Variants in BCL2L13 observed in about 807,000 individuals in gnomAD.
BCL2L13 encodes BCL2 like 13.
BCL2L13 carries 13 observed loss-of-function variants against 25.8 expected under a neutral mutation model. The ratio of observed to expected loss-of-function variants is 0.50; its 90% confidence interval spans 0.33 to 0.80. The LOEUF is 0.80. BCL2L13 is among the 30% of genes least tolerant of loss of function. The pLI, the probability that BCL2L13 is intolerant of heterozygous loss-of-function variation, is 0.02. For synonymous variants in BCL2L13, 244 were observed against 230.3 expected (o/e 1.06, Z -0.54); for missense variants, 504 against 574.9 (o/e 0.88, Z 1.26).
chr22:17,670,699 A>C (rs973755046), intron 2 of BCL2L13, among the ~76,000 whole-genome samples: 5 of 152,154 alleles, frequency 3.3e-5, no homozygotes, highest in African/African-American at 9.7e-5. Flanking sequence ...TGTATAACCC[A>C]ATTTGAAATT....
At chr22:17,630,590 TC>T (rs200354707) in intron 1 of BCL2L13, among the ~76,000 whole-genome samples, 2,841 of 143,280 alleles carry the variant, frequency 0.02, 142 homozygotes, top group African/African-American at 0.07. Flanking sequence ...CTTTTTCTTT[TC>T]TTTTTTTTTT....
intron 5 of BCL2L13, among the ~76,000 whole-genome samples, chr22:17,701,406 A>G (rs537400914): frequency 6.6e-6 from 1 of 152,170 alleles, no homozygotes; most frequent in East Asian, 1.9e-4. Context: ...TTTCTTGCGT[A>G]TTTTTCTGGA....
At chr22:17,693,918 T>G (rs1601690469) in intron 4 of BCL2L13, among the ~76,000 whole-genome samples, 1 of 151,656 alleles carries the variant, frequency 6.6e-6, no homozygotes, top group Non-Finnish European at 1.5e-5. Flanking sequence ...TTGTATTTTT[T>G]TTTCTAATTT....
chr22:17,691,514 T>C (rs570948017), intron 4 of BCL2L13, among the ~76,000 whole-genome samples: 29 of 152,112 alleles, frequency 1.9e-4, no homozygotes, highest in South Asian at 4.2e-4. Context: ...AGCATGGTGG[T>C]GGGTGCCTGT....
upstream of BCL2L13, among the ~76,000 whole-genome samples, chr22:17,635,956 C>G (rs1028885370): frequency 7.3e-5 from 11 of 150,470 alleles, no homozygotes; most frequent in South Asian, 8.3e-4. Flanking sequence ...TGATCCGTCC[C>G]CCTTGGCCTC....
At chr22:17,666,596 T>C (rs1241141146) in intron 2 of BCL2L13, among the ~76,000 whole-genome samples, 1 of 152,090 alleles carries the variant, frequency 6.6e-6, no homozygotes, top group African/African-American at 2.4e-5. Flanking sequence ...ATGCAATGTT[T>C]GTCTTTCTGT....
intron 6 of BCL2L13, 126 bp from the exon 7 acceptor site, chr22:17,726,551 T>C (rs751808472): frequency 2.4e-5 from 27 of 1,104,850 alleles, no homozygotes; most frequent in Middle Eastern, 2.7e-4. Context: ...ATTCGGAAAC[T>C]ATGTAGGTTT....
intron 2 of BCL2L13, among the ~76,000 whole-genome samples, chr22:17,681,362 C>T (rs932390203): frequency 1.3e-5 from 2 of 151,646 alleles, no homozygotes; most frequent in African/African-American, 4.8e-5. Context: ...AAAAATTAGG[C>T]GGGTGTGGTG....
At position 17,728,940 on chromosome 22, in the gene BCL2L13, G is replaced by A. The variant is rs1340140641; in HGVS notation, c.*1406G>A. On this transcript the variant is annotated 3_prime_UTR_variant, in exon 7 of 7. Transcript: ENST00000317582. ...CCGTGTCTTTCCAGCCCTAAAGGAA[G>A]GGTAGACCCGTGTCTTTCCAGCCCT... 6.6e-6 allele frequency: 1 copy of A among 152,048 alleles called. No individual in the cohort carries two copies. The allele number at this position is 152,048 out of a possible 1,614,324, so 9.4% of individuals were successfully genotyped here.
At chr22:17,652,728 G>A (rs532266868) in intron 1 of BCL2L13, among the ~76,000 whole-genome samples, 2 of 152,078 alleles carry the variant, frequency 1.3e-5, no homozygotes, top group Non-Finnish European at 2.9e-5. Context: ...ATGAGCCATC[G>A]TGCCCGGCCA....
intron 1 of BCL2L13, among the ~76,000 whole-genome samples, chr22:17,644,532 A>G: frequency 6.6e-6 from 1 of 151,008 alleles, no homozygotes; most frequent in African/African-American, 2.5e-5. Context: ...GGGTTTCACC[A>G]CGTTGGCCAG....
Position 17,630,229 on chromosome 22 carries a change from A to AC in BCL2L13, c.-650+1224_-650+1225insC, listed in dbSNP as rs545994873. Among the ~76,000 whole-genome samples, 304 of 151,858 alleles carry AC rather than the reference A, an allele frequency of 2.0e-3. 1 individual carries two copies. The highest frequency in any genetic ancestry group is 3.7e-3 in the Non-Finnish European group (254 of 67,928). On this transcript the variant is annotated intron_variant, in intron 1 of 6. Coordinates refer to the BCL2L13 transcript ENST00000399782. ...TGAGACTCCGTCTCAAAAAAACAAAAAAAAAAAAAACAAATTCCTTTGTCC... is the reference window on the plus strand; with the variant it reads ...TGAGACTCCGTCTCAAAAAAACAAAACAAAAAAAAAACAAATTCCTTTGTCC...
At chr22:17,685,411 A>G (rs1010649794) in intron 3 of BCL2L13, among the ~76,000 whole-genome samples, 1 of 151,276 alleles carries the variant, frequency 6.6e-6, no homozygotes, top group South Asian at 2.1e-4. Context: ...TTTAGTAGAG[A>G]CGGGGTTTCA....
chr22:17,696,033 TTG>T, intron 4 of BCL2L13, 106 bp from the exon 5 acceptor site: 2 of 757,536 alleles, frequency 2.6e-6, no homozygotes, highest in Non-Finnish European at 4.6e-6. Context: ...TGAATAATCT[TTG>T]TCAGTTTAGC....
At chr22:17,691,958 G>T (rs2060120058) in intron 4 of BCL2L13, among the ~76,000 whole-genome samples, 1 of 152,116 alleles carries the variant, frequency 6.6e-6, no homozygotes, top group Non-Finnish European at 1.5e-5. Context: ...TCAAAGTCAG[G>T]TCTCTTTCTT....
chr22:17,720,654 C>T lies in BCL2L13; in HGVS notation c.601-6023C>T, dbSNP rs186055710. On this transcript the variant is annotated intron_variant, in intron 6 of 6. Coordinates refer to ENST00000317582, the MANE Select transcript of BCL2L13 (RefSeq NM_015367.4). ...TGCTGGGATTACAGGCGTGAGCCAC[C>T]GTGCCCGGCCTTAATTTTTTTTTTT... 3.5e-3 allele frequency among the ~76,000 whole-genome samples: 530 copies of T among 150,364 alleles called. 4 individuals are homozygous for T. Among genetic ancestry groups the T allele is most frequent in the Admixed American group, 0.011 (159 of 15,136 alleles).
chr22:17,636,068 A>T (rs899011089), upstream of BCL2L13, among the ~76,000 whole-genome samples: 1 of 149,358 alleles, frequency 6.7e-6, no homozygotes, highest in Non-Finnish European at 1.5e-5. Context: ...TCACGCCTGT[A>T]ATCCCACCAC....
intron 2 of BCL2L13, among the ~76,000 whole-genome samples, chr22:17,660,131 A>G (rs796556151): frequency 8.2e-5 from 12 of 146,912 alleles, no homozygotes; most frequent in African/African-American, 2.9e-4. Flanking sequence ...TGCTGGGATT[A>G]CAGGCACGAG....
chr22:17,657,885 C>T lies in BCL2L13; in HGVS notation c.121+2053C>T, dbSNP rs374808706. On this transcript the variant is annotated intron_variant, in intron 2 of 6. Transcript: ENST00000317582. ...CTGTCACCAGGCTGGAGTTCAATGG[C>T]GATCTTGGCTCACTGCAACCTCCGA... 6.3e-3 allele frequency among the ~76,000 whole-genome samples: 778 copies of T among 124,478 alleles called. 13 individuals carry two copies. The highest frequency in any genetic ancestry group is 0.035 in the Middle Eastern group (5 of 142). 81.7% of individuals were successfully genotyped at this position (124,478 alleles called of 152,430 possible). A position where few individuals can be genotyped will look rare whatever the true frequency, so the allele number is the denominator to read the frequency against.
Sources: gnomAD v4.1 joint callset for allele counts (sites outside exome capture counted in the v4.1 genomes callset) on GRCh38, gnomAD v4.1.1 for gene constraint, MANE v1.5 for transcripts, NCBI Gene and HGNC (gene_info 2026-07-23, HGNC 2026-07-21) for gene names.